The following MAP2K5 variants were observed in gnomAD, a reference collection of about 807,000 sequenced individuals.
MAP2K5 encodes the protein dual specificity mitogen-activated protein kinase kinase 5.
Under a neutral mutation model 83.1 loss-of-function variants are expected in MAP2K5, and 49 were observed. That is an observed-to-expected ratio of 0.59 (90% confidence interval 0.47 to 0.75). MAP2K5 has a LOEUF of 0.75. MAP2K5 is among the 30% of genes least tolerant of loss of function. The pLI is 0.00. For missense variants in MAP2K5, 457 were observed against 557.5 expected (o/e 0.82, Z 1.82); for synonymous variants, 202 against 191.8 (o/e 1.05, Z -0.44).
intron 12 of MAP2K5, 81 bp downstream of exon 12, chr15:67,658,695 T>C (rs2087153307): frequency 8.1e-7 from 1 of 1,236,386 alleles, no homozygotes; most frequent in Admixed American, 1.7e-5. Context: ...ATTCTCAATG[T>C]TTTTTCTTGT....
intron 6 of MAP2K5, among the ~76,000 whole-genome samples, chr15:67,591,514 C>T (rs955301912): frequency 1.5e-4 from 22 of 151,166 alleles, no homozygotes; most frequent in Non-Finnish European, 2.8e-4. Flanking sequence ...GGACTACAGG[C>T]GCCGGCCACC....
chr15:67,556,044 C>G (rs1403736433), intron 2 of MAP2K5, among the ~76,000 whole-genome samples: 1 of 152,138 alleles, frequency 6.6e-6, no homozygotes, highest in African/African-American at 2.4e-5. Context: ...TCTCAGCCTC[C>G]CAAAATGCTA....
chr15:67,614,843 T>A (rs950775656), intron 8 of MAP2K5, among the ~76,000 whole-genome samples: 10 of 152,200 alleles, frequency 6.6e-5, no homozygotes, highest in African/African-American at 2.4e-4. Flanking sequence ...TAGCTTTCTC[T>A]TATTGAAAAT....
At chr15:67,602,228 T>C (rs1286796609) in intron 8 of MAP2K5, among the ~76,000 whole-genome samples, 1 of 152,236 alleles carries the variant, frequency 6.6e-6, no homozygotes, top group East Asian at 1.9e-4. Flanking sequence ...TCCTGTGTTC[T>C]GAAGGTACTT....
At chr15:67,641,359 C>A in intron 9 of MAP2K5, 2 of 344,836 alleles carry the variant, frequency 5.8e-6, no homozygotes, top group Non-Finnish European at 8.7e-6. Flanking sequence ...CTGTAAAAGA[C>A]AATTATGTCG....
intron 17 of MAP2K5, among the ~76,000 whole-genome samples, chr15:67,745,331 G>C (rs2089581565): frequency 1.3e-5 from 2 of 152,204 alleles, no homozygotes; most frequent in African/African-American, 4.8e-5. Context: ...TTGGAAGGCA[G>C]ACCCAGAATA....
chr15:67,707,534 C>T (rs966760845), intron 16 of MAP2K5, among the ~76,000 whole-genome samples: 5 of 152,204 alleles, frequency 3.3e-5, no homozygotes, highest in Non-Finnish European at 4.4e-5. Context: ...ATAATTCTTA[C>T]TTAAGCACTT....
intron 21 of MAP2K5, among the ~76,000 whole-genome samples, chr15:67,787,139 G>A (rs778708218): frequency 6.6e-5 from 10 of 152,238 alleles, no homozygotes; most frequent in Non-Finnish European, 1.2e-4. Context: ...TAGGCAGGCA[G>A]GGCGGACAAC....
At position 67,736,501 on chromosome 15, in the gene MAP2K5, C is replaced by G. The variant is rs1267353535; in HGVS notation, c.1074+8556C>G. Among the ~76,000 whole-genome samples, 1 of 152,106 alleles carries G rather than the reference C, an allele frequency of 6.6e-6. No individual in the cohort carries two copies. Among genetic ancestry groups the G allele is most frequent in the South Asian group, 2.1e-4 (1 of 4,824 alleles). ...TCCAGAAAGTTCTTCAGGGATTTACCTATGTAACTCTGAAAATATATGACC... is the reference window on the plus strand; with the variant it reads ...TCCAGAAAGTTCTTCAGGGATTTACGTATGTAACTCTGAAAATATATGACC... On this transcript the variant is annotated intron_variant, in intron 17 of 21. Coordinates refer to ENST00000178640, the MANE Select transcript of MAP2K5 (RefSeq NM_145160.3). The surrounding 1 kb of genome is among the most constrained non-coding windows in gnomAD (Gnocchi z 4.3).
chr15:67,796,941 T>A (rs1321487959), intron 21 of MAP2K5, among the ~76,000 whole-genome samples: 1 of 152,202 alleles, frequency 6.6e-6, no homozygotes, highest in Non-Finnish European at 1.5e-5. Context: ...ACAGAATTTC[T>A]AGGAACCGGC....
At chr15:67,556,695 G>A (rs2140955341) in intron 2 of MAP2K5, among the ~76,000 whole-genome samples, 1 of 151,910 alleles carries the variant, frequency 6.6e-6, no homozygotes, top group East Asian at 1.9e-4. Context: ...GGGATTACAG[G>A]TGCCCACCAC....
At chr15:67,669,827 A>G (rs1033691892) in intron 13 of MAP2K5, among the ~76,000 whole-genome samples, 1 of 152,184 alleles carries the variant, frequency 6.6e-6, no homozygotes, top group African/African-American at 2.4e-5. Flanking sequence ...TGCTGACTAG[A>G]ATACAGAGCA....
intron 8 of MAP2K5, among the ~76,000 whole-genome samples, chr15:67,625,422 C>G (rs1309830925): frequency 2.6e-5 from 4 of 152,186 alleles, no homozygotes; most frequent in Non-Finnish European, 5.9e-5. Flanking sequence ...TCCATGCAGT[C>G]ATTGAATCAG....
Position 67,573,255 on chromosome 15 carries a change from G to C in MAP2K5, c.253-7499G>C, listed in dbSNP as rs2084984532. Among the ~76,000 whole-genome samples the C allele has an allele frequency of 6.6e-6, 1 of 152,130 alleles. No individual in the cohort carries two copies. The highest frequency in any genetic ancestry group is 1.5e-5 in the Non-Finnish European group (1 of 68,032). On this transcript the variant is annotated intron_variant, in intron 3 of 21. Coordinates refer to ENST00000178640, the MANE Select transcript of MAP2K5 (RefSeq NM_145160.3). The surrounding 1 kb of genome is among the most constrained non-coding windows in gnomAD (Gnocchi z 4.2). ...ACAACATTGCTATAAAGAGCTATTT[G>C]AGACTGGGTAATTTATAAAGAAAAG...
rs2087433122 is a variant in MAP2K5 at position 67,668,141 on chromosome 15, T to C, written c.847+3496T>C. On this transcript the variant is annotated intron_variant, in intron 13 of 21. Transcript: ENST00000178640. The surrounding 1 kb of genome is among the most constrained non-coding windows in gnomAD (Gnocchi z 4.0). ...TGCTCTTTTTAAGATTTGGTTGAGATATATGTGCAGGGACTTTATAAACTA... is the reference window on the plus strand; with the variant it reads ...TGCTCTTTTTAAGATTTGGTTGAGACATATGTGCAGGGACTTTATAAACTA... 6.6e-6 allele frequency among the ~76,000 whole-genome samples: 1 copy of C among 152,226 alleles called. No homozygotes were observed. The highest frequency in any genetic ancestry group is 1.5e-5 in the Non-Finnish European group (1 of 68,038).
In MAP2K5 at chr15:67,702,290, G is replaced by A. The variant is rs1226797047; in HGVS notation, c.973-1047G>A. On this transcript the variant is annotated intron_variant, in intron 15 of 21. Transcript: ENST00000178640. The surrounding 1 kb of genome is among the most constrained non-coding windows in gnomAD (Gnocchi z 4.6). ...ATATGCATGAAAAACACTAAAACAA[G>A]GCCTGGTGTATAGAAATTCTTTAAT... 4.6e-5 allele frequency among the ~76,000 whole-genome samples: 7 copies of A among 152,122 alleles called. No homozygotes were observed. Among genetic ancestry groups the A allele is most frequent in the Admixed American group, 4.6e-4 (7 of 15,262 alleles).
At chr15:67,651,706 GAAT>G (rs1229321115) in intron 11 of MAP2K5, among the ~76,000 whole-genome samples, 2 of 152,106 alleles carry the variant, frequency 1.3e-5, no homozygotes, top group Non-Finnish European at 2.9e-5. Flanking sequence ...TTTTATGGCT[GAAT>G]AATATTTCAT....
At chr15:67,586,738 A>T in intron 5 of MAP2K5, 108 bp from the exon 6 acceptor site, 2 of 984,254 alleles carry the variant, frequency 2.0e-6, no homozygotes, top group Non-Finnish European at 3.3e-6. Context: ...TCTAGCAACA[A>T]GCTAATTAAC....
chr15:67,595,589 T>A (rs994787396), intron 7 of MAP2K5, among the ~76,000 whole-genome samples: 1 of 152,226 alleles, frequency 6.6e-6, no homozygotes, highest in Non-Finnish European at 1.5e-5. Flanking sequence ...GATCCATAAT[T>A]GAATTCCATT....
Sources: allele counts gnomAD v4.1 joint callset (sites outside exome capture counted in the v4.1 genomes callset), GRCh38; gene constraint gnomAD v4.1.1; non-coding constraint Gnocchi (gnomAD v3.1); transcripts MANE v1.5; gene names NCBI Gene and HGNC (gene_info 2026-07-23, HGNC 2026-07-21).